The following ADAMTS3 variants were observed in gnomAD, a reference collection of about 807,000 sequenced individuals.
ADAMTS3 encodes A disintegrin and metalloproteinase with thrombospondin motifs 3.
Under a neutral mutation model 129.0 loss-of-function variants are expected in ADAMTS3, and 73 were observed. The ratio of observed to expected loss-of-function variants is 0.57; its 90% CI spans 0.47 to 0.69. ADAMTS3 has a LOEUF of 0.69. Ranked by LOEUF, ADAMTS3 falls within the 30% of genes least tolerant of loss-of-function variation. The probability of loss-of-function intolerance (pLI) is 0.00; values close to 1 mark genes in which losing one functional copy is unlikely to be tolerated. For synonymous variants in ADAMTS3, 477 were observed against 510.8 expected, an observed-to-expected ratio of 0.93 and a Z score of 0.89; for missense variants, 1,457 against 1,514.5, an observed-to-expected ratio of 0.96 and a Z score of 0.63.
intron 5 of ADAMTS3, among the ~76,000 whole-genome samples, chr4:72,337,641 A>G (rs1001203242): frequency 6.6e-6 from 1 of 152,172 alleles, no homozygotes; most frequent in Non-Finnish European, 1.5e-5. Flanking sequence ...GACTAAAACT[A>G]AAGCCTTACC....
intron 3 of ADAMTS3, among the ~76,000 whole-genome samples, chr4:72,539,459 C>A (rs184035750): frequency 2.0e-5 from 3 of 147,082 alleles, no homozygotes; most frequent in East Asian, 4.0e-4. Flanking sequence ...AAAACACCAC[C>A]CACCTCCCAA....
At chr4:72,422,240 C>G (rs1487587278) in intron 3 of ADAMTS3, among the ~76,000 whole-genome samples, 1 of 151,986 alleles carries the variant, frequency 6.6e-6, no homozygotes, top group Non-Finnish European at 1.5e-5. Flanking sequence ...TAAAAAGATG[C>G]AACCATTTTT....
intron 19 of ADAMTS3, among the ~76,000 whole-genome samples, chr4:72,295,282 G>A (rs1718776196): frequency 6.6e-6 from 1 of 151,786 alleles, no homozygotes; most frequent in African/African-American, 2.4e-5. Context: ...GTGGCCTCTG[G>A]GTGTGCATTT....
At chr4:72,321,030 T>G (rs916371339) in intron 6 of ADAMTS3, among the ~76,000 whole-genome samples, 160 bp from the exon 7 acceptor site, 3 of 152,224 alleles carry the variant, frequency 2.0e-5, no homozygotes, top group Non-Finnish European at 4.4e-5. Context: ...GACTTCTAAA[T>G]GCCCATGAAG....
intron 3 of ADAMTS3, among the ~76,000 whole-genome samples, chr4:72,490,806 G>A (rs929415584): frequency 3.3e-5 from 5 of 151,754 alleles, no homozygotes; most frequent in Non-Finnish European, 4.4e-5. Context: ...AGTTTCTTTG[G>A]CTACTCAGGG....
At chr4:72,297,783 G>A (rs748839504) in intron 18 of ADAMTS3, among the ~76,000 whole-genome samples, 1 of 152,124 alleles carries the variant, frequency 6.6e-6, no homozygotes, top group Admixed American at 6.6e-5. Context: ...TACCAACTGC[G>A]TAGGGCCATT....
Position 72,313,804 on chromosome 4 carries a change from A to C in ADAMTS3, c.1618T>G (p.Cys540Gly). Residue 540 changes from cysteine (C) to glycine (G), a missense_variant, in exon 12 of 22, where the codon TGC (cysteine) becomes GGC (glycine). Coordinates refer to ENST00000286657, the MANE Select transcript of ADAMTS3 (RefSeq NM_014243.3). ...AAGKWCYKGH[C>G]MWKNANQQKQ... is the part of the protein sequence containing the mutation. ...TGCTGATTAGCATTCTTCCACATGC[A>C]ATGACCCTTATAGCACCACTTAGAA... is the stretch of plus-strand genomic sequence containing the variant. 6.2e-7 allele frequency: 1 copy of C among 1,613,828 alleles called. No individual in the cohort carries two copies. The highest frequency in any genetic ancestry group is 8.5e-7 in the Non-Finnish European group (1 of 1,179,828).
intron 4 of ADAMTS3, among the ~76,000 whole-genome samples, chr4:72,399,206 G>T (rs553576391): frequency 6.6e-6 from 1 of 152,140 alleles, no homozygotes; most frequent in African/African-American, 2.4e-5. Flanking sequence ...TTGGTGGGAG[G>T]ATTGCTTGAG....
intron 17 of ADAMTS3, among the ~76,000 whole-genome samples, chr4:72,299,438 T>C (rs1718897136): frequency 6.6e-6 from 1 of 152,230 alleles, no homozygotes; most frequent in Non-Finnish European, 1.5e-5. Flanking sequence ...TTATTGTTAA[T>C]AAGTGTGTGG....
intron 4 of ADAMTS3, among the ~76,000 whole-genome samples, chr4:72,356,647 C>T (rs1358877609): frequency 6.6e-6 from 1 of 151,632 alleles, no homozygotes; most frequent in African/African-American, 2.4e-5. Flanking sequence ...AGAAATTCTA[C>T]AGTAATCTAC....
chr4:72,533,682 C>CATAT (rs1721112379), intron 3 of ADAMTS3, among the ~76,000 whole-genome samples: 2 of 35,144 alleles, frequency 5.7e-5, no homozygotes, highest in Admixed American at 2.0e-4. Flanking sequence ...CATATATGCA[C>CATAT]ACATGTATAT....
chr4:72,525,062 T>C (rs1367535560), intron 3 of ADAMTS3, among the ~76,000 whole-genome samples: 1 of 152,214 alleles, frequency 6.6e-6, no homozygotes, highest in Non-Finnish European at 1.5e-5. Context: ...TCTATAAAGC[T>C]ATAAGTATGA....
intron 3 of ADAMTS3, among the ~76,000 whole-genome samples, chr4:72,527,573 C>A (rs769342133): frequency 1.3e-5 from 2 of 152,014 alleles, no homozygotes; most frequent in Non-Finnish European, 2.9e-5. Context: ...TTTATATACT[C>A]CCAAGAAGCA....
At chr4:72,473,570 A>G (rs1238243745) in intron 3 of ADAMTS3, among the ~76,000 whole-genome samples, 3 of 150,896 alleles carry the variant, frequency 2.0e-5, no homozygotes, top group African/African-American at 7.3e-5. Flanking sequence ...AAAAAAAAAC[A>G]CGGTCCTACT....
chr4:72,377,155 C>T (rs1721155584), intron 4 of ADAMTS3, among the ~76,000 whole-genome samples: 1 of 152,150 alleles, frequency 6.6e-6, no homozygotes, highest in Non-Finnish European at 1.5e-5. Context: ...CACCACCACC[C>T]TGCTTGAGCT....
rs144494749 is a variant in ADAMTS3, at chr4:72,293,212, C to T, written c.2724-2150G>A. Among the ~76,000 whole-genome samples the T allele has an allele frequency of 5.6e-3, 851 of 152,188 alleles. 3 individuals are homozygous for T. Among genetic ancestry groups the T allele is most frequent in the African/African-American group, 0.019 (797 of 41,538 alleles). Reference sequence around the variant, plus strand: ...TTTAGAAATATTTAGGGATTAGAGGCCTTAGATTCAGTGTGAGCTGTGAAA... The same window carrying T: ...TTTAGAAATATTTAGGGATTAGAGGTCTTAGATTCAGTGTGAGCTGTGAAA... On this transcript the variant is annotated intron_variant, in intron 19 of 21. Coordinates refer to ENST00000286657, the MANE Select transcript of ADAMTS3 (RefSeq NM_014243.3).
intron 3 of ADAMTS3, among the ~76,000 whole-genome samples, chr4:72,489,266 G>C (rs914604907): frequency 6.6e-6 from 1 of 151,890 alleles, no homozygotes; most frequent in Non-Finnish European, 1.5e-5. Context: ...GATTTTTCTT[G>C]TACAGTAGCC....
intron 3 of ADAMTS3, among the ~76,000 whole-genome samples, chr4:72,489,613 C>A (rs1719686747): frequency 1.3e-5 from 2 of 151,894 alleles, no homozygotes; most frequent in Admixed American, 6.6e-5. Flanking sequence ...GGAATAATAA[C>A]CTAACACTAC....
intron 3 of ADAMTS3, among the ~76,000 whole-genome samples, chr4:72,513,694 A>C (rs1051591994): frequency 6.6e-6 from 1 of 152,188 alleles, no homozygotes; most frequent in African/African-American, 2.4e-5. Flanking sequence ...CTGTATGCTT[A>C]AATCTTAAAT....
Sources: gnomAD v4.1 joint callset for allele counts (sites outside exome capture counted in the v4.1 genomes callset) on GRCh38, gnomAD v4.1.1 for gene constraint, MANE v1.5 for transcripts, NCBI Gene and HGNC (gene_info 2026-07-23, HGNC 2026-07-21) for gene names.